Variants in ABCC4 observed in about 807,000 individuals in gnomAD.
The protein encoded by ABCC4 is ATP binding cassette subfamily C member 4 (PEL blood group).
A neutral mutation model predicts 168.5 loss-of-function variants in ABCC4; 102 were observed. The ratio of observed to expected loss-of-function variants is 0.61; its 90% CI spans 0.52 to 0.71. The LOEUF (loss-of-function observed/expected upper bound fraction) is 0.71, where lower values mean the gene tolerates loss of function less well. ABCC4 is among the 30% of genes least tolerant of loss of function. The probability of loss-of-function intolerance (pLI) is 0.00; values close to 1 mark genes in which losing one functional copy is unlikely to be tolerated. For missense variants in ABCC4, 1,402 were observed against 1,605.8 expected (o/e 0.87, Z 2.17); for synonymous variants, 617 against 590.7 (o/e 1.04, Z -0.65).
chr13:95,155,573 A>C (rs1218402890), intron 19 of ABCC4, among the ~76,000 whole-genome samples: 1 of 152,188 alleles, frequency 6.6e-6, no homozygotes, highest in African/African-American at 2.4e-5. Context: ...AAGAAAAAAG[A>C]ATGATATGAA....
At chr13:95,139,910 G>A (rs563329032) in intron 19 of ABCC4, among the ~76,000 whole-genome samples, 1 of 152,210 alleles carries the variant, frequency 6.6e-6, no homozygotes, top group Non-Finnish European at 1.5e-5. Context: ...TTGGCACGAA[G>A]CTGGCAACCA....
intron 30 of ABCC4, among the ~76,000 whole-genome samples, chr13:95,030,449 G>A (rs950611994): frequency 1.3e-5 from 2 of 152,184 alleles, no homozygotes; most frequent in African/African-American, 4.8e-5. Context: ...TTTACCCTGT[G>A]TTATGGGCTG....
intron 9 of ABCC4, among the ~76,000 whole-genome samples, chr13:95,190,306 T>C (rs1015925579): frequency 1.3e-5 from 2 of 152,214 alleles, no homozygotes; most frequent in African/African-American, 2.4e-5. Flanking sequence ...ACCACTGCAC[T>C]CTAACCCGGG....
intron 1 of ABCC4, among the ~76,000 whole-genome samples, chr13:95,286,963 AAAAAAAAAAG>A (rs2041272723): frequency 6.6e-6 from 1 of 150,828 alleles, no homozygotes; most frequent in Non-Finnish European, 1.5e-5. Flanking sequence ...TCTCAAAAAA[AAAAAAAAAAG>A]AAAAGAAAAG....
At chr13:95,034,545 A>G in intron 30 of ABCC4, 60 bp downstream of exon 30, 2 of 1,574,184 alleles carry the variant, frequency 1.3e-6, no homozygotes, top group Non-Finnish European at 1.7e-6. Flanking sequence ...CATGGTGCCA[A>G]ATTGTGCGGA....
intron 30 of ABCC4, among the ~76,000 whole-genome samples, chr13:95,033,737 AC>A (rs1301434558): frequency 1.2e-4 from 17 of 146,450 alleles, no homozygotes; most frequent in South Asian, 4.3e-4. Flanking sequence ...ATCTTGGCCC[AC>A]CGCAACCTCC....
At chr13:95,288,872 C>A (rs1438402513) in intron 1 of ABCC4, among the ~76,000 whole-genome samples, 1 of 152,156 alleles carries the variant, frequency 6.6e-6, no homozygotes, top group East Asian at 1.9e-4. Context: ...TAGGTAAAAT[C>A]TATTAAGAAT....
intron 11 of ABCC4, among the ~76,000 whole-genome samples, chr13:95,179,687 C>A (rs929944946): frequency 1.3e-5 from 2 of 152,152 alleles, no homozygotes; most frequent in African/African-American, 4.8e-5. Context: ...TGGGTATTGA[C>A]TGAGCTGCAT....
rs1043880883 is a variant in ABCC4 at position 95,117,706 on chromosome 13, G to A, written c.2456-1705C>T. ...TATGAATTATTTCTTAAGTGGAAAA[G>A]TTAACATAGGCAATATTCAGAAACA... On this transcript the variant is annotated intron_variant, in intron 19 of 30. Transcript: ENST00000645237. Among the ~76,000 whole-genome samples, 9 of 150,910 alleles carry A rather than the reference G, an allele frequency of 6.0e-5. No homozygotes were observed. In the East Asian group the frequency reaches 1.4e-3, roughly 23 times the overall value.
chr13:95,143,632 G>A (rs1041312888), intron 19 of ABCC4, among the ~76,000 whole-genome samples: 1 of 152,098 alleles, frequency 6.6e-6, no homozygotes, highest in Admixed American at 6.5e-5. Context: ...CTCCCAGTAG[G>A]ACACAAATGC....
intron 9 of ABCC4, among the ~76,000 whole-genome samples, chr13:95,191,807 A>T (rs2038259405): frequency 6.6e-6 from 1 of 152,134 alleles, no homozygotes; most frequent in Admixed American, 6.5e-5. Flanking sequence ...ACTTCTTTTT[A>T]TTCAGTTTTG....
intron 4 of ABCC4, among the ~76,000 whole-genome samples, chr13:95,224,790 A>G (rs1566545099): frequency 6.6e-6 from 1 of 152,140 alleles, no homozygotes; most frequent in Non-Finnish European, 1.5e-5. Context: ...TGCTGAAAAA[A>G]AATTATATCA....
In ABCC4 at chr13:95,083,305, G is replaced by GT. The variant is rs770324804; in HGVS notation, c.2536-16dup. The GT allele has an allele frequency of 1.9e-6, 3 of 1,611,154 alleles. No homozygotes were observed. In the Admixed American group the frequency reaches 5.1e-5, roughly 27 times the overall value. On this transcript the variant is annotated splice_polypyrimidine_tract_variant and intron_variant, in intron 20 of 30. Coordinates refer to ENST00000645237, the MANE Select transcript of ABCC4 (RefSeq NM_005845.5). ...TGTAGCAATGTCTGAAATAGCAGAA[G>GT]TAGATGCAGGTTTTCCTTATCAAGT...
At chr13:95,174,506 A>G (rs185117608) in intron 13 of ABCC4, among the ~76,000 whole-genome samples, 5 of 152,262 alleles carry the variant, frequency 3.3e-5, no homozygotes, top group African/African-American at 1.2e-4. Flanking sequence ...CTGATTAGCA[A>G]ACAACAATTT....
intron 19 of ABCC4, among the ~76,000 whole-genome samples, chr13:95,120,677 TG>T (rs1303154256): frequency 6.8e-6 from 1 of 147,244 alleles, no homozygotes; most frequent in East Asian, 2.0e-4. Flanking sequence ...TGATGGTAGG[TG>T]GAGTGTGCAA....
At chr13:95,036,617 A>G (rs1251374361) in intron 29 of ABCC4, among the ~76,000 whole-genome samples, 2 of 152,304 alleles carry the variant, frequency 1.3e-5, no homozygotes, top group Middle Eastern at 3.4e-3. Context: ...CCTTATAAAT[A>G]TCAACAACTT....
chr13:95,074,901 G>C (rs1594053302), intron 22 of ABCC4: 2 of 153,748 alleles, frequency 1.3e-5, no homozygotes, highest in South Asian at 4.1e-4. Context: ...TGGAATGACG[G>C]ATCTGAATTT....
At chr13:95,250,020 C>T (rs1013695159) in intron 1 of ABCC4, among the ~76,000 whole-genome samples, 1 of 152,190 alleles carries the variant, frequency 6.6e-6, no homozygotes, top group South Asian at 2.1e-4. Flanking sequence ...TCTCTCATTG[C>T]CCAGATCTCA....
chr13:95,058,846 C>T (rs368474242), intron 26 of ABCC4, among the ~76,000 whole-genome samples: 36 of 152,272 alleles, frequency 2.4e-4, no homozygotes, highest in Middle Eastern at 3.4e-3. Flanking sequence ...GCTCCTTGCA[C>T]GGTGCTGCCA....
Sources: gnomAD v4.1 joint callset for allele counts (sites outside exome capture counted in the v4.1 genomes callset) on GRCh38, gnomAD v4.1.1 for gene constraint, MANE v1.5 for transcripts, NCBI Gene and HGNC (gene_info 2026-07-23, HGNC 2026-07-21) for gene names.